Variants in ACAP2 observed in about 807,000 individuals in gnomAD.
The protein encoded by ACAP2 is arf-GAP with coiled-coil, ANK repeat and PH domain-containing protein 2.
ACAP2 carries 39 observed loss-of-function variants against 115.8 expected under a neutral mutation model. The observed-to-expected ratio is 0.34, with a 90% confidence interval of 0.26 to 0.44. ACAP2 has a LOEUF of 0.44. Ranked by LOEUF, ACAP2 falls within the 20% of genes least tolerant of loss-of-function variation. The pLI, the probability that ACAP2 is intolerant of heterozygous loss-of-function variation, is 1.00. For synonymous variants in ACAP2, 289 were observed against 315.8 expected (o/e 0.92, Z 0.90); for missense variants, 662 against 927.6 (o/e 0.71, Z 3.72).
At chr3:195,312,373 T>C (rs889007068) in intron 10 of ACAP2, among the ~76,000 whole-genome samples, 8 of 152,244 alleles carry the variant, frequency 5.3e-5, no homozygotes, top group Non-Finnish European at 7.3e-5. Flanking sequence ...ATAATCAATA[T>C]GGTTTTACCA....
Position 195,407,558 on chromosome 3 carries a change from T to C in ACAP2, c.54-15411A>G, listed in dbSNP as rs930838627. On this transcript the variant is annotated intron_variant, in intron 1 of 22. Transcript: ENST00000326793. ...CCAATCTCTACAAAAAATACAAAAA[T>C]TAGCCGGGCATGGTGGTGCATGCCT... is the stretch of plus-strand genomic sequence containing the variant. Among the ~76,000 whole-genome samples, 4 of 151,920 alleles carry C rather than the reference T, an allele frequency of 2.6e-5. No homozygotes were observed. In the East Asian group the frequency reaches 7.7e-4, roughly 29 times the overall value.
intron 20 of ACAP2, among the ~76,000 whole-genome samples, chr3:195,289,755 G>A (rs1393947618): frequency 2.9e-5 from 4 of 139,942 alleles, no homozygotes; most frequent in East Asian, 2.1e-4. Context: ...GCAGTGAGCC[G>A]AGATCACACC....
intron 9 of ACAP2, chr3:195,326,541 C>T (rs980312315): frequency 3.7e-5 from 8 of 217,406 alleles, no homozygotes; most frequent in South Asian, 1.5e-4. Context: ...AACACACACA[C>T]GGACACACAC....
chr3:195,378,848 CAG>C (rs1485853206), intron 4 of ACAP2, among the ~76,000 whole-genome samples: 6 of 142,582 alleles, frequency 4.2e-5, no homozygotes, highest in Non-Finnish European at 9.1e-5. Flanking sequence ...GAGACAGAGC[CAG>C]ACTCTGTCTC....
rs551059543 is a variant in ACAP2 at position 195,327,011 on chromosome 3, T to C, written c.670-52A>G. On this transcript the variant is annotated intron_variant, in intron 8 of 22. Transcript: ENST00000326793. The stretch of plus-strand genomic sequence containing the variant: ...CAGACTTAAAAAAAGTATGGATTAG[T>C]TTTTCAAACCATATTCCAAATCATT... 23 of 1,453,310 alleles carry C rather than the reference T, an allele frequency of 1.6e-5. No individual in the cohort carries two copies. The East Asian group carries it at 1.6e-4, about 10-fold the overall frequency. The allele number at this position is 1,453,310 out of a possible 1,614,324, so 90.0% of individuals were successfully genotyped here. A position where few individuals can be genotyped will look rare whatever the true frequency, so the allele number is the denominator to read the frequency against.
chr3:195,297,113 T>G lies in ACAP2; in HGVS notation c.1487+77A>C, dbSNP rs1291645577. 4 of 1,283,954 alleles carry G rather than the reference T, an allele frequency of 3.1e-6. No individual in the cohort carries two copies. The African/African-American group carries it at 5.9e-5, about 19-fold the overall frequency. The allele number at this position is 1,283,954 out of a possible 1,614,324, so 79.5% of individuals were successfully genotyped here. A position where few individuals can be genotyped will look rare whatever the true frequency, so the allele number is the denominator to read the frequency against. ...TGCTTCTAAACACTTTGTCTCAATG[T>G]TATATATCAATTACTACAGTGAAAT... On this transcript the variant is annotated intron_variant, in intron 16 of 22. Coordinates refer to ENST00000326793, the MANE Select transcript of ACAP2 (RefSeq NM_012287.6).
intron 1 of ACAP2, among the ~76,000 whole-genome samples, chr3:195,407,174 A>T (rs533013075): frequency 6.9e-4 from 103 of 148,282 alleles, no homozygotes; most frequent in African/African-American, 2.5e-3. Flanking sequence ...TTTGAAACTA[A>T]ACTTATAGAA....
Position 195,277,009 on chromosome 3 carries a change from C to A in ACAP2, c.*2319G>T, listed in dbSNP as rs764948993. ...TCTGACCACTAAATTTAAGTAGATA[C>A]TAATTAATTACTGCCATATTAACAA... is the stretch of plus-strand genomic sequence containing the variant. On this transcript the variant is annotated 3_prime_UTR_variant, in exon 23 of 23. Transcript: ENST00000326793. The A allele has an allele frequency of 6.6e-5, 10 of 152,202 alleles. No individual in the cohort carries two copies. The highest frequency in any genetic ancestry group is 7.4e-5 in the Non-Finnish European group (5 of 68,026). 9.4% of individuals were successfully genotyped at this position (152,202 alleles called of 1,614,324 possible). A position where few individuals can be genotyped will look rare whatever the true frequency, so the allele number is the denominator to read the frequency against.
At position 195,400,228 on chromosome 3, in the gene ACAP2, G is replaced by GTA. The variant is rs113439281; in HGVS notation, c.54-8083_54-8082dup. Among the ~76,000 whole-genome samples, 143 of 149,450 alleles carry GTA rather than the reference G, an allele frequency of 9.6e-4. 1 individual carries two copies. Among genetic ancestry groups the GTA allele is most frequent in the South Asian group, 2.3e-3 (11 of 4,750 alleles). ...CGTATGTGTATATATATATGTGTGT[G>GTA]TATATATATATATATTCCAGATAAT... is the stretch of plus-strand genomic sequence containing the variant. On this transcript the variant is annotated intron_variant, in intron 1 of 22. Coordinates refer to ENST00000326793, the MANE Select transcript of ACAP2 (RefSeq NM_012287.6).
intron 2 of ACAP2, among the ~76,000 whole-genome samples, chr3:195,383,358 C>T (rs982091326): frequency 6.6e-6 from 1 of 151,736 alleles, no homozygotes; most frequent in Admixed American, 6.6e-5. Flanking sequence ...AAAGAATACA[C>T]AGTCAAAAAA....
At chr3:195,418,186 C>T (rs1308907022) in intron 1 of ACAP2, among the ~76,000 whole-genome samples, 3 of 152,164 alleles carry the variant, frequency 2.0e-5, no homozygotes, top group Admixed American at 2.0e-4. Flanking sequence ...TCGTCTTTCA[C>T]CTGTCAATTT....
rs1239844905 is a variant in ACAP2 at position 195,424,745 on chromosome 3, G to A, written c.53+18050C>T. Among the ~76,000 whole-genome samples, 8 of 151,286 alleles carry A rather than the reference G, an allele frequency of 5.3e-5. No homozygotes were observed. The South Asian group carries it at 6.2e-4, about 12-fold the overall frequency. On this transcript the variant is annotated intron_variant, in intron 1 of 22. Transcript: ENST00000326793. ...AGCCTGGGCAACACAGTGAGATTTC[G>A]TCTCTACAAAAAATTTAAAAAATTA... is the stretch of plus-strand genomic sequence containing the variant.
At chr3:195,356,465 A>T (rs943202411) in intron 4 of ACAP2, among the ~76,000 whole-genome samples, 1 of 152,186 alleles carries the variant, frequency 6.6e-6, no homozygotes, top group African/African-American at 2.4e-5. Context: ...GAGCCAGTGG[A>T]CTTGGAGGTA....
chr3:195,318,123 C>T (rs1161356838), intron 10 of ACAP2, among the ~76,000 whole-genome samples: 1 of 152,168 alleles, frequency 6.6e-6, no homozygotes, highest in Non-Finnish European at 1.5e-5. Flanking sequence ...AGGAAGATGC[C>T]TGCTTCCCCT....
intron 1 of ACAP2, among the ~76,000 whole-genome samples, chr3:195,442,570 A>T (rs1025776513): frequency 6.6e-6 from 1 of 152,134 alleles, no homozygotes; most frequent in African/African-American, 2.4e-5. Context: ...GAGGGCAAGG[A>T]AAGAAATGAG....
At chr3:195,287,397 G>A (rs952231381) in intron 21 of ACAP2, among the ~76,000 whole-genome samples, 2 of 143,118 alleles carry the variant, frequency 1.4e-5, no homozygotes, top group East Asian at 2.9e-4. Flanking sequence ...AAGTATTCAC[G>A]TAAATAATTT....
At chr3:195,313,704 C>T (rs1051249801) in intron 10 of ACAP2, among the ~76,000 whole-genome samples, 1 of 152,126 alleles carries the variant, frequency 6.6e-6, no homozygotes, top group Admixed American at 6.5e-5. Flanking sequence ...GCTGTATTTT[C>T]TATTTCAACA....
chr3:195,413,987 AAAAAAAAGAAAGAAAAAG>A lies in ACAP2; in HGVS notation c.54-21858_54-21841del, dbSNP rs940577628. ...GAGACCCTGTCTCTTTAAAAAAAGA[AAAAAAAAGAAAGAAAAAG>A]AAAAAAAGAAAGAAAAGAGGAGGAG... On this transcript the variant is annotated intron_variant, in intron 1 of 22. Coordinates refer to ENST00000326793, the MANE Select transcript of ACAP2 (RefSeq NM_012287.6). 1.1e-4 allele frequency among the ~76,000 whole-genome samples: 16 copies of A among 145,226 alleles called. No individual in the cohort carries two copies. The South Asian group carries it at 2.7e-3, about 25-fold the overall frequency.
intron 4 of ACAP2, among the ~76,000 whole-genome samples, chr3:195,366,717 C>T (rs1732749098): frequency 6.6e-6 from 1 of 152,192 alleles, no homozygotes; most frequent in African/African-American, 2.4e-5. Flanking sequence ...TTTAATTAGC[C>T]TGGTTCATCC....
Sources: gnomAD v4.1 joint callset for allele counts (sites outside exome capture counted in the v4.1 genomes callset) on GRCh38, gnomAD v4.1.1 for gene constraint, MANE v1.5 for transcripts, NCBI Gene and HGNC (gene_info 2026-07-23, HGNC 2026-07-21) for gene names.